UGT2B4: variants seen among roughly 807,000 people sequenced by gnomAD.
UGT2B4 encodes UDP-glucuronosyltransferase 2B4.
A neutral mutation model predicts 49.8 loss-of-function variants in UGT2B4; 49 were observed. That is an observed-to-expected ratio of 0.98 (90% CI 0.78 to 1.25). The LOEUF (loss-of-function observed/expected upper bound fraction) is 1.25. UGT2B4 is among the 50% of genes most tolerant of loss of function. The pLI is 0.00. For synonymous variants in UGT2B4, 246 were observed against 217.7 expected, an observed-to-expected ratio of 1.13 and a Z score of -1.14; for missense variants, 729 against 627.7, an observed-to-expected ratio of 1.16 and a Z score of -1.73.
intron 2 of UGT2B4, among the ~76,000 whole-genome samples, chr4:69,492,218 C>T (rs1445310733): frequency 6.6e-6 from 1 of 151,976 alleles, no homozygotes; most frequent in Non-Finnish European, 1.5e-5. Flanking sequence ...CACAAGCTAT[C>T]CCAGGAAGCT....
chr4:69,513,510 G>A (rs1728658032), intron 1 of UGT2B4, among the ~76,000 whole-genome samples: 1 of 152,136 alleles, frequency 6.6e-6, no homozygotes, highest in Admixed American at 6.5e-5. Flanking sequence ...TTTGAAGTCA[G>A]GTAGTGTGAT....
chr4:69,517,859 C>A, intron 1 of UGT2B4: 1 of 172,002 alleles, frequency 5.8e-6, no homozygotes, highest in South Asian at 1.8e-4. Context: ...GAGCTTCACT[C>A]AATATTGCCA....
At chr4:69,492,174 T>G (rs952308373) in intron 2 of UGT2B4, among the ~76,000 whole-genome samples, 1 of 152,104 alleles carries the variant, frequency 6.6e-6, no homozygotes. Context: ...TCATTTTTTC[T>G]GTGCTTCTCT....
At chr4:69,482,886 T>G (rs1441572388) in intron 5 of UGT2B4, among the ~76,000 whole-genome samples, 2 of 152,012 alleles carry the variant, frequency 1.3e-5, no homozygotes, top group Admixed American at 1.3e-4. Context: ...TTTTTTTTAA[T>G]GTAGCAGTTG....
chr4:69,490,778 A>G (rs1727962379), intron 2 of UGT2B4, among the ~76,000 whole-genome samples: 1 of 152,148 alleles, frequency 6.6e-6, no homozygotes, highest in African/African-American at 2.4e-5. Context: ...ATTCAAGGTA[A>G]TACATAGGAT....
chr4:69,508,247 C>T (rs1211506728), intron 1 of UGT2B4, among the ~76,000 whole-genome samples: 1 of 152,082 alleles, frequency 6.6e-6, no homozygotes, highest in Non-Finnish European at 1.5e-5. Flanking sequence ...ACACTATATA[C>T]TTTGGGGAGT....
At chr4:69,525,637 C>A in intron 1 of UGT2B4, 2 of 1,185,588 alleles carry the variant, frequency 1.7e-6, no homozygotes, top group Non-Finnish European at 2.2e-6. Context: ...TATCTATGCA[C>A]CTGCCATTTT....
upstream of UGT2B4, among the ~76,000 whole-genome samples, chr4:69,500,684 A>AAAGC (rs1231509106): frequency 6.6e-6 from 1 of 151,938 alleles, no homozygotes; most frequent in Non-Finnish European, 1.5e-5. Flanking sequence ...GAAAGAAAAG[A>AAAGC]AAGCAAGCAG....
intron 1 of UGT2B4, among the ~76,000 whole-genome samples, chr4:69,524,484 G>A (rs1728926400): frequency 6.6e-6 from 1 of 151,608 alleles, no homozygotes; most frequent in Admixed American, 6.6e-5. Context: ...ATCTTATATG[G>A]GCATAATTTG....
chr4:69,507,891 C>A (rs1728515751), intron 1 of UGT2B4, among the ~76,000 whole-genome samples: 1 of 152,034 alleles, frequency 6.6e-6, no homozygotes, highest in Non-Finnish European at 1.5e-5. Context: ...TTTTGCACAG[C>A]AAAAGAAAAT....
chr4:69,524,325 C>T (rs1332984193), intron 1 of UGT2B4, among the ~76,000 whole-genome samples: 1 of 152,086 alleles, frequency 6.6e-6, no homozygotes, highest in Non-Finnish European at 1.5e-5. Flanking sequence ...CTCTCTTTCA[C>T]TTGAACACTT....
In UGT2B4 at chr4:69,501,033, G is replaced by A. The variant is rs115006918; in HGVS notation, c.-105-5067C>T. Among the ~76,000 whole-genome samples the A allele has an allele frequency of 3.2e-3, 486 of 152,186 alleles. 6 individuals carry two copies. The highest frequency in any genetic ancestry group is 0.011 in the African/African-American group (460 of 41,522). Reference sequence around the variant, plus strand: ...CCTAGCAAAGAGGTTGAATTCAGGCGGCCACCTGCAAGCGCCACCCTCACA... The same window carrying A: ...CCTAGCAAAGAGGTTGAATTCAGGCAGCCACCTGCAAGCGCCACCCTCACA... On this transcript the variant is annotated intron_variant, in intron 1 of 1. Transcript: ENST00000510114.
At chr4:69,518,708 C>A (rs1310977488) in intron 1 of UGT2B4, among the ~76,000 whole-genome samples, 3 of 152,150 alleles carry the variant, frequency 2.0e-5, no homozygotes, top group Admixed American at 6.5e-5. Context: ...AACATACACA[C>A]ATAAACCAAT....
rs771390702 is a variant in UGT2B4 at position 69,480,925 on chromosome 4, G to C, written c.1311-15C>G. The C allele has an allele frequency of 6.2e-7, 1 of 1,610,590 alleles. No homozygotes were observed. Among genetic ancestry groups the C allele is most frequent in the East Asian group, 2.2e-5 (1 of 44,814 alleles). On this transcript the variant is annotated splice_polypyrimidine_tract_variant and intron_variant, in intron 5 of 5. Coordinates refer to ENST00000305107, the MANE Select transcript of UGT2B4 (RefSeq NM_021139.3). ...TCTCTTTATATCTAAACGATAAGCA[G>C]AAAAGTATCAACATTGAAAGTAAGT...
intron 1 of UGT2B4, among the ~76,000 whole-genome samples, chr4:69,512,962 C>G (rs1728645435): frequency 6.6e-6 from 1 of 152,008 alleles, no homozygotes; most frequent in Admixed American, 6.6e-5. Context: ...TGTTTAAGTT[C>G]CTTGTAGAAT....
At position 69,495,680 on chromosome 4, in the gene UGT2B4, G is replaced by A. The variant is rs1560436615; in HGVS notation, c.182C>T (p.Ser61Phe). 6.2e-7 allele frequency: 1 copy of A among 1,613,982 alleles called. No homozygotes were observed. The highest frequency in any genetic ancestry group is 8.5e-7 in the Non-Finnish European group (1 of 1,179,960). Residue 61 changes from serine (S) to phenylalanine (F), a missense_variant, in exon 1 of 6, where the codon TCC (serine) becomes TTC (phenylalanine). Transcript: ENST00000305107. ...HEVTVLASSA[S>F]ISFDPNSPST... ...TGGGCTGTTGGGATCGAAAGAAATG[G>A]AAGCTGAAGATGCCAATACAGTCAC...
At chr4:69,480,999 G>C in intron 5 of UGT2B4, 89 bp from the exon 6 acceptor site, 1 of 1,459,504 alleles carries the variant, frequency 6.9e-7, no homozygotes, top group Non-Finnish European at 9.3e-7. Flanking sequence ...AGCAGTTTCC[G>C]AGGTCGAGGC....
intron 2 of UGT2B4, among the ~76,000 whole-genome samples, chr4:69,492,273 G>T (rs1216878023): frequency 6.6e-6 from 1 of 152,016 alleles, no homozygotes; most frequent in African/African-American, 2.4e-5. Context: ...TGCTCTAATA[G>T]GGTATGTTTA....
chr4:69,524,115 A>ATTCT (rs373962964), intron 1 of UGT2B4, among the ~76,000 whole-genome samples: 53,274 of 151,766 alleles, frequency 0.35, 9,432 homozygotes, highest in Non-Finnish European at 0.37. Flanking sequence ...GTCAGCGATA[A>ATTCT]TGCAGATTAA....
Sources: gnomAD v4.1 joint callset for allele counts (sites outside exome capture counted in the v4.1 genomes callset) on GRCh38, gnomAD v4.1.1 for gene constraint, MANE v1.5 for transcripts, NCBI Gene and HGNC (gene_info 2026-07-23, HGNC 2026-07-21) for gene names.